Variants in KCNJ15 observed in about 807,000 individuals in gnomAD.
The protein encoded by KCNJ15 is ATP-sensitive inward rectifier potassium channel 15.
Under a neutral mutation model 23.0 loss-of-function variants are expected in KCNJ15, and 14 were observed. The observed-to-expected ratio is 0.61, with a 90% CI of 0.40 to 0.95. The LOEUF is 0.95. Among genes scored for constraint, KCNJ15 ranks in the 40% least tolerant of loss-of-function variants. The pLI is 0.00. For missense variants in KCNJ15, 388 were observed against 461.8 expected (o/e 0.84, Z 1.46); for synonymous variants, 185 against 183.2 (o/e 1.01, Z -0.08).
At chr21:38,246,416 T>C (rs1238312962) in intron 1 of KCNJ15, among the ~76,000 whole-genome samples, 2 of 152,260 alleles carry the variant, frequency 1.3e-5, no homozygotes, top group East Asian at 3.8e-4. Context: ...TTCTGTGGAA[T>C]GCAGGCCAAA....
intron 1 of KCNJ15, among the ~76,000 whole-genome samples, chr21:38,265,248 C>T (rs1601173114): frequency 6.6e-6 from 1 of 152,146 alleles, no homozygotes; most frequent in East Asian, 1.9e-4. Flanking sequence ...TATTATAGGA[C>T]TAAAACTTGT....
intron 1 of KCNJ15, among the ~76,000 whole-genome samples, chr21:38,275,519 C>CAAAAAAAAAAAAAAAAA: frequency 1.1e-5 from 1 of 88,120 alleles, no homozygotes; most frequent in Non-Finnish European, 2.1e-5. Flanking sequence ...GAAACTCCGT[C>CAAAAAAAAAAAAAAAAA]AAAAAAAAAA....
chr21:38,234,933 C>G (rs1222040100), intron 1 of KCNJ15, among the ~76,000 whole-genome samples: 2 of 152,212 alleles, frequency 1.3e-5, no homozygotes, highest in Non-Finnish European at 2.9e-5. Context: ...CAGGTACAGA[C>G]AATACCTGTC....
intron 1 of KCNJ15, among the ~76,000 whole-genome samples, chr21:38,267,854 C>A (rs1294023201): frequency 1.3e-5 from 2 of 152,142 alleles, no homozygotes; most frequent in African/African-American, 4.8e-5. Context: ...CCCCTTCCTC[C>A]TCAAAGTCAA....
intron 1 of KCNJ15, among the ~76,000 whole-genome samples, chr21:38,231,380 T>G (rs1013801325): frequency 7.2e-5 from 11 of 152,012 alleles, no homozygotes; most frequent in African/African-American, 1.2e-4. Context: ...TTATGTCGTA[T>G]GTAAATATAA....
At chr21:38,291,953 C>T (rs1225056787) in intron 1 of KCNJ15, among the ~76,000 whole-genome samples, 1 of 152,148 alleles carries the variant, frequency 6.6e-6, no homozygotes, top group Non-Finnish European at 1.5e-5. Flanking sequence ...ATATATAATA[C>T]CTAATATCAG....
chr21:38,241,556 A>T (rs76277702), intron 1 of KCNJ15, among the ~76,000 whole-genome samples: 347 of 152,340 alleles, frequency 2.3e-3, no homozygotes, highest in Non-Finnish European at 3.6e-3. Context: ...AATTTGTTAC[A>T]GTGTGAAATG....
At chr21:38,230,792 C>T (rs1408509187) in intron 1 of KCNJ15, among the ~76,000 whole-genome samples, 1 of 151,984 alleles carries the variant, frequency 6.6e-6, no homozygotes, top group Non-Finnish European at 1.5e-5. Context: ...ATATGTTTAT[C>T]CTTATGTCAA....
At chr21:38,290,931 ATAAAGTG>A (rs1984534623) in intron 1 of KCNJ15, among the ~76,000 whole-genome samples, 1 of 150,778 alleles carries the variant, frequency 6.6e-6, no homozygotes, top group South Asian at 2.1e-4. Flanking sequence ...CTCCCTAGAT[ATAAAGTG>A]TAGAGTTTAG....
chr21:38,250,403 A>C (rs1263547876), intron 1 of KCNJ15, among the ~76,000 whole-genome samples: 2 of 152,206 alleles, frequency 1.3e-5, no homozygotes, highest in African/African-American at 4.8e-5. Context: ...TAATAATATC[A>C]CTACATGCTG....
intron 1 of KCNJ15, among the ~76,000 whole-genome samples, chr21:38,265,544 A>G (rs889743427): frequency 1.5e-4 from 23 of 152,078 alleles, no homozygotes; most frequent in Admixed American, 1.2e-3. Context: ...TTTTAAATCA[A>G]CTCTCACTCA....
At position 38,287,804 on chromosome 21, in the gene KCNJ15, T is replaced by C. The variant is rs1224409611; in HGVS notation, c.-116-9122T>C. ...TGTGAAGATATTTTTAAGTTTGAAA[T>C]TTTGTATTATCATTCAGTGATCACA... On this transcript the variant is annotated intron_variant, in intron 1 of 2. Coordinates refer to ENST00000398938, the MANE Select transcript of KCNJ15 (RefSeq NM_170736.3). Among the ~76,000 whole-genome samples, 15 of 152,246 alleles carry C rather than the reference T, an allele frequency of 9.9e-5. No homozygotes were observed. The Middle Eastern group carries it at 0.014, about 138-fold the overall frequency.
chr21:38,282,633 T>G (rs150658178), intron 1 of KCNJ15, among the ~76,000 whole-genome samples: 375 of 152,254 alleles, frequency 2.5e-3, no homozygotes, highest in African/African-American at 8.6e-3. Flanking sequence ...CCTAGAACGT[T>G]GGGCATCATA....
Position 38,306,055 on chromosome 21 carries a change from C to T in KCNJ15, c.*5666C>T, listed in dbSNP as rs527276156. The T allele has an allele frequency of 6.6e-6, 1 of 152,306 alleles. No individual in the cohort carries two copies. Among genetic ancestry groups the T allele is most frequent in the East Asian group, 1.9e-4 (1 of 5,186 alleles). 9.4% of individuals were successfully genotyped at this position (152,306 alleles called of 1,614,324 possible). On this transcript the variant is annotated 3_prime_UTR_variant, in exon 3 of 3. Coordinates refer to ENST00000398938, the MANE Select transcript of KCNJ15 (RefSeq NM_170736.3). ...CACCCTAGAAGGATGGGCTCAAAGT[C>T]GCCCTCCACGTGGGTGCACAGGAGC...
At position 38,300,674 on chromosome 21, in the gene KCNJ15, C is replaced by A; in HGVS notation, c.*285C>A. The A allele has an allele frequency of 3.0e-6, 1 of 329,794 alleles. No individual in the cohort carries two copies. The highest frequency in any genetic ancestry group is 5.8e-6 in the Non-Finnish European group (1 of 171,870). 20.4% of individuals were successfully genotyped at this position (329,794 alleles called of 1,614,324 possible). A position where few individuals can be genotyped will look rare whatever the true frequency, so the allele number is the denominator to read the frequency against. ...TGGTGTAGGGCAATTGGAATAATGT[C>A]CTGTTAGATAAACAGACATTTAGCA... On this transcript the variant is annotated 3_prime_UTR_variant, in exon 3 of 3. Coordinates refer to ENST00000398938, the MANE Select transcript of KCNJ15 (RefSeq NM_170736.3).
chr21:38,292,774 A>C (rs1984744882), intron 1 of KCNJ15, among the ~76,000 whole-genome samples: 1 of 152,030 alleles, frequency 6.6e-6, no homozygotes, highest in Admixed American at 6.6e-5. Context: ...TTCCAGACCA[A>C]GCTGGCCAAC....
chr21:38,279,148 A>G (rs543073334), intron 1 of KCNJ15, among the ~76,000 whole-genome samples: 1 of 152,052 alleles, frequency 6.6e-6, no homozygotes, highest in Non-Finnish European at 1.5e-5. Flanking sequence ...CGGGGTGCTG[A>G]GTATTTTTCA....
intron 1 of KCNJ15, among the ~76,000 whole-genome samples, chr21:38,268,420 T>C (rs565936236): frequency 6.2e-5 from 5 of 80,042 alleles, no homozygotes; most frequent in African/African-American, 3.5e-4. Context: ...TTGAAAGTTA[T>C]GTAGGTGGAT....
At chr21:38,234,832 A>G (rs1978494260) in intron 1 of KCNJ15, among the ~76,000 whole-genome samples, 2 of 152,238 alleles carry the variant, frequency 1.3e-5, no homozygotes, top group African/African-American at 4.8e-5. Context: ...GAATTTTAAA[A>G]TTTGTTCAGC....
Sources: allele counts gnomAD v4.1 joint callset (sites outside exome capture counted in the v4.1 genomes callset), GRCh38; gene constraint gnomAD v4.1.1; transcripts MANE v1.5; gene names NCBI Gene and HGNC (gene_info 2026-07-23, HGNC 2026-07-21).